KIF24: variants seen among roughly 807,000 people sequenced by gnomAD.
KIF24 encodes kinesin-like protein KIF24.
Under a neutral mutation model 118.9 loss-of-function variants are expected in KIF24, and 81 were observed. That is an observed-to-expected ratio of 0.68 (90% CI 0.57 to 0.82). The LOEUF is 0.82. Ranked by LOEUF, KIF24 falls within the 40% of genes least tolerant of loss-of-function variation. KIF24 has a pLI of 0.00. For synonymous variants in KIF24, 599 were observed against 610.0 expected, an observed-to-expected ratio of 0.98 and a Z score of 0.27; for missense variants, 1,560 against 1,661.6, an observed-to-expected ratio of 0.94 and a Z score of 1.06.
chr9:34,327,846 A>AAAAT (rs1554668267), intron 1 of KIF24, among the ~76,000 whole-genome samples: 28,318 of 149,334 alleles, frequency 0.19, 2,951 homozygotes, highest in South Asian at 0.24. Flanking sequence ...AATAAAAAAA[A>AAAAT]AATAATAATA....
chr9:34,283,079 T>C (rs1279434111), intron 6 of KIF24, among the ~76,000 whole-genome samples: 2 of 126,484 alleles, frequency 1.6e-5, no homozygotes, highest in Non-Finnish European at 3.3e-5. Flanking sequence ...AAAAAAAGAA[T>C]ATTATGGCCG....
intron 6 of KIF24, among the ~76,000 whole-genome samples, chr9:34,278,000 C>T (rs888671414): frequency 3.3e-5 from 5 of 152,130 alleles, no homozygotes; most frequent in Non-Finnish European, 7.3e-5. Context: ...TATGGCCGGG[C>T]ACAGAGGCTC....
At position 34,318,827 on chromosome 9, in the gene KIF24, T is replaced by C; in HGVS notation, c.-25-7456A>G. On this transcript the variant is annotated intron_variant, in intron 1 of 12. Transcript: ENST00000402558. The surrounding 1 kb of genome is among the most constrained non-coding windows in gnomAD (Gnocchi z 4.9). ...CCTGTAGGGACCCAGCTCAGTGAGTTTCGCTGATGACTTCGTGCGCAGCAG... is the reference window on the plus strand; with the variant it reads ...CCTGTAGGGACCCAGCTCAGTGAGTCTCGCTGATGACTTCGTGCGCAGCAG... 1 of 1,589,478 alleles carries C rather than the reference T, an allele frequency of 6.3e-7. No homozygotes were observed. The highest frequency in any genetic ancestry group is 8.6e-7 in the Non-Finnish European group (1 of 1,159,202).
chr9:34,322,430 T>C (rs1427364609), intron 1 of KIF24, among the ~76,000 whole-genome samples: 1 of 152,024 alleles, frequency 6.6e-6, no homozygotes, highest in African/African-American at 2.4e-5. Context: ...CTCAAACTCC[T>C]GAGTTCAAGT....
intron 9 of KIF24, among the ~76,000 whole-genome samples, chr9:34,262,691 T>A (rs1260715498): frequency 2.6e-3 from 103 of 39,378 alleles, no homozygotes; most frequent in Non-Finnish European, 4.3e-3. Flanking sequence ...TATATATATA[T>A]ATATATATAT....
chr9:34,326,712 G>A (rs1837682595), intron 1 of KIF24, among the ~76,000 whole-genome samples: 1 of 152,180 alleles, frequency 6.6e-6, no homozygotes, highest in Non-Finnish European at 1.5e-5. Context: ...AATAGTATGA[G>A]AAGAGGAGAG....
intron 12 of KIF24, among the ~76,000 whole-genome samples, chr9:34,254,807 C>G (rs184512833): frequency 6.6e-6 from 1 of 152,230 alleles, no homozygotes; most frequent in Non-Finnish European, 1.5e-5. Context: ...GGGGCCCCGA[C>G]AAACCGCTAG....
chr9:34,301,792 G>C (rs138739814), intron 3 of KIF24, among the ~76,000 whole-genome samples: 1 of 152,028 alleles, frequency 6.6e-6, no homozygotes, highest in African/African-American at 2.4e-5. Flanking sequence ...TGCCATGACT[G>C]CACCACTGTA....
chr9:34,261,614 C>T (rs1055443164), intron 9 of KIF24, among the ~76,000 whole-genome samples: 2 of 152,108 alleles, frequency 1.3e-5, no homozygotes, highest in East Asian at 3.8e-4. Context: ...ACCTTTACTC[C>T]CATTGTTACT....
intron 4 of KIF24, among the ~76,000 whole-genome samples, chr9:34,296,172 T>C (rs59375735): frequency 0.21 from 27,881 of 135,036 alleles, 2,927 homozygotes; most frequent in East Asian, 0.43. Context: ...TGCACCGAGG[T>C]GGCGCCACTG....
chr9:34,331,794 A>G (rs983686678), upstream of KIF24, among the ~76,000 whole-genome samples: 1 of 152,252 alleles, frequency 6.6e-6, no homozygotes, highest in Non-Finnish European at 1.5e-5. Flanking sequence ...GATAGACTAT[A>G]GCACTTCAAA....
intron 4 of KIF24, among the ~76,000 whole-genome samples, chr9:34,294,931 T>C (rs1180829374): frequency 1.3e-5 from 2 of 152,170 alleles, no homozygotes; most frequent in Non-Finnish European, 2.9e-5. Context: ...CAGATATTTG[T>C]TACTCACGTA....
upstream of KIF24, among the ~76,000 whole-genome samples, chr9:34,332,275 G>A (rs561241630): frequency 6.6e-6 from 1 of 152,274 alleles, no homozygotes; most frequent in South Asian, 2.1e-4. Context: ...CCTTGCATCC[G>A]CCTCCCTTCT....
intron 6 of KIF24, among the ~76,000 whole-genome samples, chr9:34,284,797 T>C (rs147082714): frequency 6.6e-6 from 1 of 152,246 alleles, no homozygotes; most frequent in East Asian, 1.9e-4. Context: ...TTGATCTGAG[T>C]AGCTGATTAC....
intron 4 of KIF24, among the ~76,000 whole-genome samples, chr9:34,292,857 T>C (rs10972040): frequency 0.12 from 18,744 of 152,180 alleles, 1,517 homozygotes; most frequent in Non-Finnish European, 0.18. Flanking sequence ...GAAAGAATAA[T>C]ATCTACTTTA....
At chr9:34,278,017 G>A (rs925845496) in intron 6 of KIF24, among the ~76,000 whole-genome samples, 1 of 152,162 alleles carries the variant, frequency 6.6e-6, no homozygotes, top group East Asian at 1.9e-4. Context: ...GCTCACGCCT[G>A]TACTCCCAGC....
chr9:34,264,346 C>T (rs1835204392), intron 8 of KIF24, among the ~76,000 whole-genome samples: 1 of 151,584 alleles, frequency 6.6e-6, no homozygotes, highest in South Asian at 2.1e-4. Flanking sequence ...AGGAGAAAAG[C>T]TTGAACCTGG....
At chr9:34,291,010 T>C (rs1302302235) in intron 4 of KIF24, among the ~76,000 whole-genome samples, 1 of 152,162 alleles carries the variant, frequency 6.6e-6, no homozygotes, top group African/African-American at 2.4e-5. Flanking sequence ...TTTACTGAAT[T>C]CCTACCCCAT....
At position 34,257,846 on chromosome 9, in the gene KIF24, T is replaced by A; in HGVS notation, c.1761A>T (p.Lys587Asn). The A allele has an allele frequency of 6.2e-7, 1 of 1,613,938 alleles. No individual in the cohort carries two copies. The highest frequency in any genetic ancestry group is 8.5e-7 in the Non-Finnish European group (1 of 1,179,852). ...ALSEDKCSPK[K>N]VKLGFQQSLT... ...GTGACTGCTGAAATCCCAGCTTGAC[T>A]TTTTTGGGAGAACATTTGTCCTCTG... is the stretch of plus-strand genomic sequence containing the variant. The change falls in exon 11 of 13, where the codon AAA (lysine) becomes AAT (asparagine). Residue 587 changes from lysine (K) to asparagine (N), a missense_variant. Physicochemically the swap from Lys to Asn is moderately conservative, Grantham distance 94. Coordinates refer to ENST00000402558, the MANE Select transcript of KIF24 (RefSeq NM_194313.4).
Sources: allele counts gnomAD v4.1 joint callset (sites outside exome capture counted in the v4.1 genomes callset), GRCh38; gene constraint gnomAD v4.1.1; non-coding constraint Gnocchi (gnomAD v3.1); transcripts MANE v1.5; gene names NCBI Gene and HGNC (gene_info 2026-07-23, HGNC 2026-07-21).